Variants in CLIC4 observed in about 807,000 individuals in gnomAD.
The protein encoded by CLIC4 is chloride intracellular channel protein 4.
Under a neutral mutation model 24.6 loss-of-function variants are expected in CLIC4, and 13 were observed. That is an observed-to-expected ratio of 0.53 (90% CI 0.34 to 0.84). The LOEUF is 0.84. CLIC4 is among the 40% of genes least tolerant of loss of function. The pLI is 0.01. For synonymous variants in CLIC4, 104 were observed against 111.3 expected (o/e 0.93, Z 0.41); for missense variants, 227 against 301.7 (o/e 0.75, Z 1.83).
At position 24,840,995 on chromosome 1, in the gene CLIC4, A is replaced by C. The variant is rs1181262554; in HGVS notation, c.*58A>C. 3 of 1,433,922 alleles carry C rather than the reference A, an allele frequency of 2.1e-6. No homozygotes were observed. In the African/African-American group the frequency reaches 4.3e-5, roughly 20 times the overall value. The allele number at this position is 1,433,922 out of a possible 1,614,324, so 88.8% of individuals were successfully genotyped here. ...TTCCCCTAAGAATACGCTTTTCCTA[A>C]CAGGCTACTCCTTCCTGTAGAGCAG... On this transcript the variant is annotated 3_prime_UTR_variant, in exon 6 of 6. Coordinates refer to ENST00000374379, the MANE Select transcript of CLIC4 (RefSeq NM_013943.3).
At chr1:24,775,451 T>C (rs1190730852) in intron 1 of CLIC4, among the ~76,000 whole-genome samples, 1 of 151,654 alleles carries the variant, frequency 6.6e-6, no homozygotes, top group Non-Finnish European at 1.5e-5. Context: ...TCTTTGAGGC[T>C]CTTTTTTTTC....
intron 1 of CLIC4, among the ~76,000 whole-genome samples, chr1:24,773,012 T>C (rs1455339317): frequency 3.9e-5 from 6 of 152,336 alleles, no homozygotes; most frequent in African/African-American, 1.2e-4. Flanking sequence ...TAAGCAATAT[T>C]GTGATATATA....
At chr1:24,764,082 T>C (rs921911441) in intron 1 of CLIC4, among the ~76,000 whole-genome samples, 3 of 152,198 alleles carry the variant, frequency 2.0e-5, no homozygotes, top group African/African-American at 7.2e-5. Flanking sequence ...TCTTTATAAG[T>C]GCTGTGCTTT....
At chr1:24,765,249 G>A (rs1638979140) in intron 1 of CLIC4, among the ~76,000 whole-genome samples, 1 of 152,170 alleles carries the variant, frequency 6.6e-6, no homozygotes, top group Non-Finnish European at 1.5e-5. Context: ...TGCTTTCTAT[G>A]TGCCAGGCAC....
chr1:24,814,298 C>T (rs908739358), intron 3 of CLIC4, 79 bp downstream of exon 3: 13 of 1,448,528 alleles, frequency 9.0e-6, no homozygotes, highest in East Asian at 6.8e-5. Context: ...AGATCTTTCT[C>T]GCAGCATTAA....
At chr1:24,826,984 T>C (rs1261519123) in intron 3 of CLIC4, 26 bp from the exon 4 acceptor site, 4 of 1,493,836 alleles carry the variant, frequency 2.7e-6, no homozygotes, top group Admixed American at 1.9e-5. Context: ...GAAGGATCTA[T>C]AATCCATATC....
Position 24,832,212 on chromosome 1 carries a change from T to TAAGTGGCTTG in CLIC4, c.415+5096_415+5097insAAGTGGCTTG, listed in dbSNP as rs762793913. Among the ~76,000 whole-genome samples the TAAGTGGCTTG allele has an allele frequency of 5.1e-3, 13 of 2,570 alleles. 2 individuals are homozygous for TAAGTGGCTTG. The highest frequency in any genetic ancestry group is 0.018 in the Admixed American group (3 of 166). The allele number at this position is 2,570 out of a possible 152,430, so 1.7% of individuals were successfully genotyped here. A position where few individuals can be genotyped will look rare whatever the true frequency, so the allele number is the denominator to read the frequency against. Reference sequence around the variant, plus strand: ...TTTTATGTTTTTGATTTTTTATTTTTTTTATTTTTTATTTTTTTTTTCTTT... The same window carrying TAAGTGGCTTG: ...TTTTATGTTTTTGATTTTTTATTTTTAAGTGGCTTGTTTATTTTTTATTTTTTTTTTCTTT... On this transcript the variant is annotated intron_variant, in intron 4 of 5. Coordinates refer to ENST00000374379, the MANE Select transcript of CLIC4 (RefSeq NM_013943.3).
intron 1 of CLIC4, among the ~76,000 whole-genome samples, chr1:24,794,488 C>T (rs1339232567): frequency 5.3e-5 from 8 of 151,606 alleles, no homozygotes; most frequent in Non-Finnish European, 7.4e-5. Flanking sequence ...ACATGTATGT[C>T]TTCTTTTGAA....
chr1:24,837,453 T>C (rs1347425801), intron 4 of CLIC4, among the ~76,000 whole-genome samples: 1 of 152,204 alleles, frequency 6.6e-6, no homozygotes, highest in Non-Finnish European at 1.5e-5. Flanking sequence ...TGTTGAACTC[T>C]TCCAAGCATT....
intron 4 of CLIC4, among the ~76,000 whole-genome samples, chr1:24,839,648 A>G (rs1180859408): frequency 1.3e-5 from 2 of 152,160 alleles, no homozygotes; most frequent in Admixed American, 1.3e-4. Context: ...TATTATGCTT[A>G]TTTATACTTT....
intron 1 of CLIC4, among the ~76,000 whole-genome samples, chr1:24,783,729 A>T (rs1639233436): frequency 6.6e-6 from 1 of 152,158 alleles, no homozygotes; most frequent in Non-Finnish European, 1.5e-5. Flanking sequence ...AAAATTTGTA[A>T]TTGTCTTCTG....
At chr1:24,808,728 G>GT (rs1639582242) in intron 2 of CLIC4, among the ~76,000 whole-genome samples, 1 of 149,784 alleles carries the variant, frequency 6.7e-6, no homozygotes, top group Non-Finnish European at 1.5e-5. Flanking sequence ...CCAGGCTGGA[G>GT]TGCAGTGGCG....
chr1:24,827,317 T>C (rs554829229), intron 4 of CLIC4, among the ~76,000 whole-genome samples: 1 of 152,358 alleles, frequency 6.6e-6, no homozygotes, highest in South Asian at 2.1e-4. Flanking sequence ...TGTTTCTAGC[T>C]AGTAGCACAG....
chr1:24,746,194 CT>C (rs1638695624), intron 1 of CLIC4, among the ~76,000 whole-genome samples: 1 of 152,352 alleles, frequency 6.6e-6, no homozygotes, highest in South Asian at 2.1e-4. Flanking sequence ...GCTCTTGGAC[CT>C]TCGGAAAAGA....
intron 1 of CLIC4, among the ~76,000 whole-genome samples, chr1:24,772,630 T>G (rs1639083562): frequency 6.6e-6 from 1 of 152,068 alleles, no homozygotes; most frequent in South Asian, 2.1e-4. Flanking sequence ...GAATTACAGG[T>G]GCCCGCCACC....
At chr1:24,747,627 A>T (rs72654674) in intron 1 of CLIC4, among the ~76,000 whole-genome samples, 318 of 152,144 alleles carry the variant, frequency 2.1e-3, no homozygotes, top group Non-Finnish European at 3.4e-3. Flanking sequence ...GTTAAAAAAA[A>T]TTTTTACTGA....
chr1:24,776,712 A>G (rs1639145111), intron 1 of CLIC4, among the ~76,000 whole-genome samples: 1 of 152,130 alleles, frequency 6.6e-6, no homozygotes, highest in South Asian at 2.1e-4. Context: ...AGGCTGAGGC[A>G]GGTGGATCAC....
intron 2 of CLIC4, among the ~76,000 whole-genome samples, chr1:24,805,730 C>T (rs1639543561): frequency 6.6e-6 from 1 of 152,178 alleles, no homozygotes; most frequent in Non-Finnish European, 1.5e-5. Flanking sequence ...ATGCTGCACT[C>T]ATTTCATACC....
chr1:24,795,161 C>T (rs1205517102), intron 1 of CLIC4, among the ~76,000 whole-genome samples: 1 of 152,086 alleles, frequency 6.6e-6, no homozygotes, highest in Non-Finnish European at 1.5e-5. Context: ...CAAACCTGCA[C>T]ATAATACCCC....
Sources: gnomAD v4.1 joint callset for allele counts (sites outside exome capture counted in the v4.1 genomes callset) on GRCh38, gnomAD v4.1.1 for gene constraint, MANE v1.5 for transcripts, NCBI Gene and HGNC (gene_info 2026-07-23, HGNC 2026-07-21) for gene names.